Variants in SIRT7 observed in about 807,000 individuals in gnomAD.
The protein encoded by SIRT7 is NAD-dependent protein deacetylase sirtuin-7.
SIRT7 carries 32 observed loss-of-function variants against 42.8 expected under a neutral mutation model. That is an observed-to-expected ratio of 0.75 (90% CI 0.56 to 1.00). The LOEUF (loss-of-function observed/expected upper bound fraction) is 1.00. SIRT7 is among the 50% of genes least tolerant of loss of function. The probability of loss-of-function intolerance (pLI) is 0.00; values close to 1 mark genes in which losing one functional copy is unlikely to be tolerated. For synonymous variants in SIRT7, 297 were observed against 245.2 expected (o/e 1.21, Z -1.97); for missense variants, 553 against 572.2 (o/e 0.97, Z 0.34).
rs909860118 is a variant in SIRT7, at chr17:81,917,423, A to G, written c.336+192T>C. 8.3e-6 allele frequency: 4 copies of G among 483,692 alleles called. No individual in the cohort carries two copies. The Admixed American group carries it at 1.6e-4, about 20-fold the overall frequency. The allele number at this position is 483,692 out of a possible 1,614,324, so 30.0% of individuals were successfully genotyped here. A position where few individuals can be genotyped will look rare whatever the true frequency, so the allele number is the denominator to read the frequency against. ...CAGTCGGCTACTACACCCCATTCGT[A>G]TCTCTACTCCTTGTTTTTTTTAACT... On this transcript the variant is annotated intron_variant, in intron 3 of 9. Transcript: ENST00000328666.
intron 9 of SIRT7, 83 bp from the exon 10 acceptor site, chr17:81,912,697 G>C (rs772653671): frequency 2.8e-6 from 4 of 1,428,204 alleles, no homozygotes; most frequent in African/African-American, 1.4e-5. Flanking sequence ...AGCTGTCTGC[G>C]GTCCCTGCCT....
Position 81,918,134 on chromosome 17 carries a change from C to A in SIRT7, c.-3G>T. The A allele has an allele frequency of 3.9e-6, 6 of 1,546,058 alleles. No individual in the cohort carries two copies. The South Asian group carries it at 7.0e-5, about 18-fold the overall frequency. On this transcript the variant is annotated 5_prime_UTR_variant, in exon 1 of 10. Coordinates refer to ENST00000328666, the MANE Select transcript of SIRT7 (RefSeq NM_016538.3). ...CGGCTCAGACCCCCGGCTGCCATCGCTCCCCTGGAGACCTGCTCTTCCGCT... is the reference window on the plus strand; with the variant it reads ...CGGCTCAGACCCCCGGCTGCCATCGATCCCCTGGAGACCTGCTCTTCCGCT...
chr17:81,917,861 C>G lies in SIRT7; in HGVS notation c.200G>C (p.Arg67Pro), dbSNP rs1337390885. 7.0e-7 allele frequency: 1 copy of G among 1,437,340 alleles called. No homozygotes were observed. Among genetic ancestry groups the G allele is most frequent in the South Asian group, 1.4e-5 (1 of 73,072 alleles). The allele number at this position is 1,437,340 out of a possible 1,614,324, so 89.0% of individuals were successfully genotyped here. ...LVTELQGRSR[R>P]REGLKRRQEE... ...CTGCCGCCGCTTCAGGCCCTCGCGC[C>G]GCCGGCTCCGGCCCTGCAGCTCCGT... is the stretch of plus-strand genomic sequence containing the variant. Residue 67 changes from arginine (R) to proline (P), a missense_variant, in exon 2 of 10, where the codon CGG (arginine) becomes CCG (proline). Arg to Pro is a moderately radical substitution (Grantham distance 103, BLOSUM62 -2). Coordinates refer to ENST00000328666, the MANE Select transcript of SIRT7 (RefSeq NM_016538.3).
Position 81,917,858 on chromosome 17 carries a change from C to A in SIRT7, c.203G>T (p.Arg68Leu). Residue 68 changes from arginine (R) to leucine (L), a missense_variant, in exon 2 of 10, where the codon CGC becomes CTC. Arg to Leu is a moderately radical substitution (Grantham distance 102, BLOSUM62 -2). Transcript: ENST00000328666. ...VTELQGRSRR[R>L]EGLKRRQEEV... ...CTCCTGCCGCCGCTTCAGGCCCTCGCGCCGCCGGCTCCGGCCCTGCAGCTC... is the reference window on the plus strand; with the variant it reads ...CTCCTGCCGCCGCTTCAGGCCCTCGAGCCGCCGGCTCCGGCCCTGCAGCTC... 2 of 1,437,606 alleles carry A rather than the reference C, an allele frequency of 1.4e-6. No individual in the cohort carries two copies. Among genetic ancestry groups the A allele is most frequent in the Admixed American group, 2.7e-5 (1 of 37,286 alleles). The allele number at this position is 1,437,606 out of a possible 1,614,324, so 89.1% of individuals were successfully genotyped here. A position where few individuals can be genotyped will look rare whatever the true frequency, so the allele number is the denominator to read the frequency against.
At position 81,914,705 on chromosome 17, in the gene SIRT7, G is replaced by A; in HGVS notation, c.481-3C>T. 6.2e-7 allele frequency: 1 copy of A among 1,611,920 alleles called. No individual in the cohort carries two copies. The highest frequency in any genetic ancestry group is 1.7e-4 in the Middle Eastern group (1 of 6,058). On this transcript the variant is annotated splice_region_variant and splice_polypyrimidine_tract_variant and intron_variant, in intron 5 of 9. Coordinates refer to ENST00000328666, the MANE Select transcript of SIRT7 (RefSeq NM_016538.3). ...TTCTGAGACACCACATGCTGCACCT[G>A]GAAGGCAGAACGGGTGGCAAGGGGA...
rs200202099 is a variant in SIRT7 at position 81,912,632 on chromosome 17, C to T, written c.1005-18G>A. 7.7e-5 allele frequency: 124 copies of T among 1,605,122 alleles called. No individual in the cohort carries two copies. The East Asian group carries it at 2.4e-3, about 31-fold the overall frequency. The stretch of plus-strand genomic sequence containing the variant: ...CCTGCCACCTGCCAAAAAGGGAAAG[C>T]GGCATCAGGCGGGCCTGGGAGCCTC... On this transcript the variant is annotated intron_variant, in intron 9 of 9. Coordinates refer to ENST00000328666, the MANE Select transcript of SIRT7 (RefSeq NM_016538.3).
chr17:81,917,493 G>A (rs757047349), intron 3 of SIRT7, 122 bp downstream of exon 3: 2 of 830,406 alleles, frequency 2.4e-6, no homozygotes, highest in African/African-American at 3.6e-5. Context: ...TTTACCTTAG[G>A]TAAGTTTTGG....
rs747584480 is a variant in SIRT7 at position 81,912,588 on chromosome 17, G to T, written c.1031C>A (p.Ala344Glu). The T allele has an allele frequency of 1.2e-6, 2 of 1,613,382 alleles. No homozygotes were observed. Among genetic ancestry groups the T allele is most frequent in the South Asian group, 2.2e-5 (2 of 91,080 alleles). The part of the protein sequence containing the change: ...SRWQDPIFSL[A>E]TPLRAGEEGS... ...TTCTTCACCAGCACGCAGGGGAGTCGCCAGTGAGAAAATGGGATCCTGCCA... is the reference window on the plus strand; with the variant it reads ...TTCTTCACCAGCACGCAGGGGAGTCTCCAGTGAGAAAATGGGATCCTGCCA... Residue 344 changes from alanine to glutamate, a missense_variant, in exon 10 of 10, where the codon GCG (alanine) becomes GAG (glutamate). Physicochemically the swap from Ala to Glu is moderately radical, Grantham distance 107. Transcript: ENST00000328666.
rs144763613 is a variant in SIRT7, at chr17:81,915,655, G to A, written c.363C>T (p.Gly121=). The A allele has an allele frequency of 1.9e-5, 31 of 1,613,924 alleles. No individual in the cohort carries two copies. The African/African-American group carries it at 4.0e-4, about 21-fold the overall frequency. Residue 121 remains glycine, a synonymous_variant, in exon 4 of 10, where the codon GGC becomes GGT. Coordinates refer to ENST00000328666, the MANE Select transcript of SIRT7 (RefSeq NM_016538.3). ...GAAGCAGTGTCCACACTCCATTAGG[G>A]CCCCGGTAGTCTGGGATAGACGCTG... ...STAASIPDYR[G]PNGVWTLLQK... is the part of the protein sequence containing the mutation.
In SIRT7 at chr17:81,913,696, C is replaced by A; in HGVS notation, c.1004+78G>T. 1 of 1,252,682 alleles carries A rather than the reference C, an allele frequency of 8.0e-7. No homozygotes were observed. The highest frequency in any genetic ancestry group is 1.1e-6 in the Non-Finnish European group (1 of 881,934). The allele number at this position is 1,252,682 out of a possible 1,614,324, so 77.6% of individuals were successfully genotyped here. ...CAAACACCTCAGAGCTTCCTCCACACTCAGCTCACGAGAGAAGACAGACAA... is the reference window on the plus strand; with the variant it reads ...CAAACACCTCAGAGCTTCCTCCACAATCAGCTCACGAGAGAAGACAGACAA... On this transcript the variant is annotated intron_variant, in intron 9 of 9. Transcript: ENST00000328666. The surrounding 1 kb of genome is among the most constrained non-coding windows in gnomAD (Gnocchi z 5.0).
Position 81,917,956 on chromosome 17 carries a change from G to A in SIRT7, c.105C>T (p.Ile35=). ...QRERLRQVSR[I]LRKAAAERSA... ...TGCGCTCCGCCGCCGCCTTCCTCAG[G>A]ATGCGCGACACCTGCGGGCAGGCGG... The change falls in exon 2 of 10, where the codon ATC becomes ATT. Residue 35 remains isoleucine, a synonymous_variant. Transcript: ENST00000328666. The A allele has an allele frequency of 7.3e-7, 1 of 1,366,370 alleles. No individual in the cohort carries two copies. 84.6% of individuals were successfully genotyped at this position (1,366,370 alleles called of 1,614,324 possible).
chr17:81,915,171 G>C (rs950313813), intron 5 of SIRT7: 2 of 562,340 alleles, frequency 3.6e-6, no homozygotes, highest in Admixed American at 6.1e-5. Flanking sequence ...GAGGTCCACA[G>C]AAAAATGCAA....
In SIRT7 at chr17:81,917,689, T is replaced by C; in HGVS notation, c.262A>G (p.Lys88Glu). Residue 88 changes from lysine to glutamate, a missense_variant, in exon 3 of 10, where the codon AAG (lysine) becomes GAG (glutamate). Lys to Glu is a moderately conservative substitution (Grantham distance 56). Coordinates refer to ENST00000328666, the MANE Select transcript of SIRT7 (RefSeq NM_016538.3). ...VCDDPEELRGKVRELASAVRN... is the reference protein window; with the variant it reads ...VCDDPEELRGEVRELASAVRN... ...ACGGCGCTGGCCAGCTCCCGGACCT[T>C]CCCCCGCAGCTCCTCCGGGTCGTCG... is the stretch of plus-strand genomic sequence containing the variant. The C allele has an allele frequency of 1.2e-6, 2 of 1,602,848 alleles. No homozygotes were observed. Among genetic ancestry groups the C allele is most frequent in the Non-Finnish European group, 1.7e-6 (2 of 1,175,548 alleles).
Position 81,912,093 on chromosome 17 carries a change from G to T in SIRT7, c.*323C>A. 2.3e-6 allele frequency: 1 copy of T among 444,120 alleles called. No homozygotes were observed. Among genetic ancestry groups the T allele is most frequent in the African/African-American group, 2.0e-5 (1 of 49,906 alleles). The allele number at this position is 444,120 out of a possible 1,614,324, so 27.5% of individuals were successfully genotyped here. A position where few individuals can be genotyped will look rare whatever the true frequency, so the allele number is the denominator to read the frequency against. On this transcript the variant is annotated 3_prime_UTR_variant, in exon 10 of 10. Coordinates refer to ENST00000328666, the MANE Select transcript of SIRT7 (RefSeq NM_016538.3). ...GAAATACGGTGAGGCCCTGAGACTG[G>T]CCTGGTGAGCGAGGAAAGGCCGCTG...
In SIRT7 at chr17:81,918,112, C is replaced by T. The variant is rs765331941; in HGVS notation, c.20G>A (p.Ser7Asn). 1.5e-5 allele frequency: 23 copies of T among 1,553,988 alleles called. No homozygotes were observed. The highest frequency in any genetic ancestry group is 4.6e-5 in the South Asian group (4 of 86,362). The change falls in exon 1 of 10, where the codon AGC becomes AAC. Residue 7 changes from serine to asparagine, a missense_variant. Ser to Asn is a conservative substitution (Grantham distance 46). Coordinates refer to ENST00000328666, the MANE Select transcript of SIRT7 (RefSeq NM_016538.3). MAAGGLSRSERKAAERV... is the reference protein window; with the variant it reads MAAGGLNRSERKAAERV... ...CTCCGCCGCTTTGCGCTCGGAGCGG[C>T]TCAGACCCCCGGCTGCCATCGCTCC...
chr17:81,914,202 C>A lies in SIRT7; in HGVS notation c.817-35G>T, dbSNP rs202133912. The A allele has an allele frequency of 1.1e-5, 18 of 1,613,374 alleles. No individual in the cohort carries two copies. In the East Asian group the frequency reaches 3.3e-4, roughly 30 times the overall value. On this transcript the variant is annotated intron_variant, in intron 7 of 9. Coordinates refer to ENST00000328666, the MANE Select transcript of SIRT7 (RefSeq NM_016538.3). Reference sequence around the variant, plus strand: ...CAGACAGACAGACACCGCACACACACAAGGGACAAGTCTGTACAGTGCTGG... The same window carrying A: ...CAGACAGACAGACACCGCACACACAAAAGGGACAAGTCTGTACAGTGCTGG...
chr17:81,914,705 G>T lies in SIRT7; in HGVS notation c.481-3C>A. The stretch of plus-strand genomic sequence containing the variant: ...TTCTGAGACACCACATGCTGCACCT[G>T]GAAGGCAGAACGGGTGGCAAGGGGA... On this transcript the variant is annotated splice_region_variant and splice_polypyrimidine_tract_variant and intron_variant, in intron 5 of 9. Transcript: ENST00000328666. The T allele has an allele frequency of 1.9e-6, 3 of 1,611,920 alleles. No homozygotes were observed. Among genetic ancestry groups the T allele is most frequent in the Non-Finnish European group, 2.5e-6 (3 of 1,179,674 alleles).
intron 3 of SIRT7, chr17:81,917,403 G>A (rs1042411501): frequency 9.0e-6 from 4 of 444,582 alleles, no homozygotes; most frequent in East Asian, 3.6e-5. Context: ...GCGAGCAGTC[G>A]GCTACTACAC....
rs761918922 is a variant in SIRT7, at chr17:81,915,478, T to C, written c.442A>G (p.Thr148Ala). The C allele has an allele frequency of 1.2e-6, 2 of 1,613,568 alleles. No homozygotes were observed. Among genetic ancestry groups the C allele is most frequent in the South Asian group, 1.1e-5 (1 of 90,968 alleles). ...TGCAGACGGGTGATGCTCATGTGGG[T>C]GAGGGTTGGCTCGGCCTCGCTCAGG... ...ADLSEAEPTL[T>A]HMSITRLHEQ... The change falls in exon 5 of 10, where the codon ACC becomes GCC. Residue 148 changes from threonine to alanine, a missense_variant. Coordinates refer to ENST00000328666, the MANE Select transcript of SIRT7 (RefSeq NM_016538.3).
Sources: gnomAD v4.1 joint callset for allele counts on GRCh38, gnomAD v4.1.1 for gene constraint, Gnocchi (gnomAD v3.1) non-coding constraint, MANE v1.5 for transcripts, NCBI Gene and HGNC (gene_info 2026-07-23, HGNC 2026-07-21) for gene names.